Variants in SYNE2 observed in about 807,000 individuals in gnomAD.
SYNE2 encodes spectrin repeat containing nuclear envelope protein 2.
Under a neutral mutation model 856.3 loss-of-function variants are expected in SYNE2, and 431 were observed. The observed-to-expected ratio is 0.50, with a 90% CI of 0.47 to 0.55. The LOEUF (loss-of-function observed/expected upper bound fraction) is 0.55. Among genes scored for constraint, SYNE2 ranks in the 20% least tolerant of loss-of-function variants. The pLI is 0.00. For missense variants in SYNE2, 8,129 were observed against 8,023.2 expected (o/e 1.01, Z -0.50); for synonymous variants, 2,923 against 2,872.3 (o/e 1.02, Z -0.56).
chr14:63,997,109 G>A lies in SYNE2; in HGVS notation c.3103G>A (p.Glu1035Lys), dbSNP rs770698687. The A allele has an allele frequency of 5.0e-6, 8 of 1,614,066 alleles. No individual in the cohort carries two copies. The highest frequency in any genetic ancestry group is 6.8e-6 in the Non-Finnish European group (8 of 1,179,994). Residue 1035 changes from glutamate to lysine, a missense_variant, in exon 24 of 116, where the codon GAG becomes AAG. Physicochemically the swap from Glu to Lys is moderately conservative, Grantham distance 56. This residue lies in a region of SYNE2 where 2,422 missense variants were observed against 2,357.4 expected (regional missense o/e 1.03). Transcript: ENST00000555002. ...KIERLLKCASEIHMTLQPTAG... is the reference protein window; with the variant it reads ...KIERLLKCASKIHMTLQPTAG... ...AGAAAGACTTCTGAAATGTGCTTCC[G>A]AGATTCATATGACACTGCAGCCCAC... is the stretch of plus-strand genomic sequence containing the variant.
intron 1 of SYNE2, among the ~76,000 whole-genome samples, chr14:63,892,271 A>T (rs2095150433): frequency 6.6e-6 from 1 of 152,074 alleles, no homozygotes; most frequent in African/African-American, 2.4e-5. Flanking sequence ...AGCATTTCTT[A>T]TCTTCTCAGA....
chr14:64,220,831 C>A (rs913627250), intron 111 of SYNE2, among the ~76,000 whole-genome samples, 194 bp downstream of exon 111: 1 of 152,288 alleles, frequency 6.6e-6, no homozygotes. Context: ...TCCCAGGTCT[C>A]GTCTCTGTTG....
intron 84 of SYNE2, among the ~76,000 whole-genome samples, chr14:64,150,321 A>AAAAAAAG (rs766798501): frequency 0.052 from 6,197 of 118,812 alleles, 558 homozygotes; most frequent in Non-Finnish European, 0.064. Context: ...AAAAAAAAAA[A>AAAAAAAG]GGATCCTCCC....
At chr14:64,155,196 CAG>C (rs1283826840) in intron 85 of SYNE2, among the ~76,000 whole-genome samples, 1 of 152,138 alleles carries the variant, frequency 6.6e-6, no homozygotes, top group African/African-American at 2.4e-5. Flanking sequence ...TCATGATAGC[CAG>C]AAAGTGTAAA....
In SYNE2 at chr14:64,104,028, A is replaced by G. The variant is rs188461020; in HGVS notation, c.12492+1986A>G. Among the ~76,000 whole-genome samples the G allele has an allele frequency of 1.9e-3, 289 of 152,334 alleles. 1 individual carries two copies. Among genetic ancestry groups the G allele is most frequent in the African/African-American group, 6.7e-3 (278 of 41,574 alleles). ...ATGAGTGGAAAGAAGCTTATCGTTT[A>G]TATCCTATACTCAGCTCAGTATGGT... On this transcript the variant is annotated intron_variant, in intron 64 of 115. Transcript: ENST00000555002.
intron 1 of SYNE2, among the ~76,000 whole-genome samples, chr14:63,784,530 TTTTG>T (rs1887441435): frequency 2.0e-5 from 3 of 150,028 alleles, no homozygotes; most frequent in Non-Finnish European, 4.4e-5. Context: ...AACAAACAAT[TTTTG>T]TTTGTTTGTA....
At position 64,152,650 on chromosome 14, in the gene SYNE2, A is replaced by G; in HGVS notation, c.15726A>G (p.Pro5242=). Reference sequence around the variant, plus strand: ...TGACTTTGGAGAGTGGGGCAGTGCCATTGTTAGAAGATACAGCATCCCGAA... The same window carrying G: ...TGACTTTGGAGAGTGGGGCAGTGCCGTTGTTAGAAGATACAGCATCCCGAA... ...SYLTLESGAV[P]LLEDTASRID... Residue 5242 remains proline, a synonymous_variant, in exon 85 of 116, where the codon CCA becomes CCG. Coordinates refer to ENST00000555002, the MANE Select transcript of SYNE2 (RefSeq NM_182914.3). 2 of 1,614,156 alleles carry G rather than the reference A, an allele frequency of 1.2e-6. No individual in the cohort carries two copies. Among genetic ancestry groups the G allele is most frequent in the Non-Finnish European group, 1.7e-6 (2 of 1,180,008 alleles).
chr14:63,893,339 A>G (rs545303754), intron 1 of SYNE2, among the ~76,000 whole-genome samples: 4 of 152,326 alleles, frequency 2.6e-5, no homozygotes, highest in Non-Finnish European at 4.4e-5. Context: ...CAGTCGGATC[A>G]CTTGAGTCCG....
intron 89 of SYNE2, among the ~76,000 whole-genome samples, chr14:64,164,012 C>T (rs2098351718): frequency 1.3e-5 from 2 of 152,084 alleles, no homozygotes; most frequent in Non-Finnish European, 1.5e-5. Context: ...CTCCACCTCC[C>T]GGGTTCAAGC....
At chr14:64,173,975 G>C (rs1437541503) in intron 94 of SYNE2, 5 of 690,988 alleles carry the variant, frequency 7.2e-6, no homozygotes, top group African/African-American at 5.3e-5. Flanking sequence ...ACTGCCTGCG[G>C]AGCGGCCCTG....
At chr14:63,972,994 A>G (rs947824856) in intron 11 of SYNE2, among the ~76,000 whole-genome samples, 1 of 152,136 alleles carries the variant, frequency 6.6e-6, no homozygotes. Context: ...GTGGCTCGTG[A>G]CTGTAATCCC....
At position 64,075,913 on chromosome 14, in the gene SYNE2, C is replaced by T. The variant is rs189261139; in HGVS notation, c.10867-32C>T. On this transcript the variant is annotated intron_variant, in intron 53 of 115. Transcript: ENST00000555002. ...TAGAATTAAACTTTTCCCCCAGTCT[C>T]GTGAGTATTGCAACTCTCTTAATGC... The T allele has an allele frequency of 2.0e-3, 3,251 of 1,611,966 alleles. 5 individuals are homozygous for T. The highest frequency in any genetic ancestry group is 2.6e-3 in the Non-Finnish European group (3,103 of 1,178,700).
chr14:63,983,506 A>G (rs2096602364), intron 17 of SYNE2, among the ~76,000 whole-genome samples: 1 of 152,162 alleles, frequency 6.6e-6, no homozygotes, highest in Admixed American at 6.6e-5. Flanking sequence ...ATGTATCTTT[A>G]TATGTAGCAT....
At chr14:63,825,668 G>A (rs142768957) in intron 1 of SYNE2, among the ~76,000 whole-genome samples, 1 of 152,126 alleles carries the variant, frequency 6.6e-6, no homozygotes, top group Non-Finnish European at 1.5e-5. Context: ...GAGGTCAGGA[G>A]TTCGAAACCA....
rs191525458 is a variant in SYNE2 at position 64,037,462 on chromosome 14, C to G, written c.7221+6105C>G. 5.6e-4 allele frequency among the ~76,000 whole-genome samples: 86 copies of G among 152,290 alleles called. 3 individuals are homozygous for G. The East Asian group carries it at 0.014, about 24-fold the overall frequency. The stretch of plus-strand genomic sequence containing the variant: ...CAGGGTTGGGGGTAAGGTCACAGAT[C>G]TACAGGATCCCAAGGCAAAAGAATT... On this transcript the variant is annotated intron_variant, in intron 45 of 115. Transcript: ENST00000555002.
rs1271916268 is a variant in SYNE2, at chr14:63,804,440, A to G, written c.-305+42454A>G. On this transcript the variant is annotated intron_variant, in intron 1 of 23. Transcript: ENST00000674003. ...AGTCTTTGTCTTGAAATCGACGATG[A>G]CCTATATCCAGAATGGTATTTCCTA... 2.0e-5 allele frequency among the ~76,000 whole-genome samples: 3 copies of G among 151,772 alleles called. No homozygotes were observed. In the East Asian group the frequency reaches 5.8e-4, roughly 29 times the overall value.
Position 64,161,929 on chromosome 14 carries a change from A to T in SYNE2, c.16095-143A>T, listed in dbSNP as rs2098333183. ...TTATATAATGGTTTCTATAATGGTG[A>T]TGCCACTAATTTTAAAAACCATTTA... On this transcript the variant is annotated intron_variant, in intron 87 of 115. Transcript: ENST00000555002. The T allele has an allele frequency of 8.4e-6, 7 of 830,106 alleles. No individual in the cohort carries two copies. In the South Asian group the frequency reaches 1.1e-4, roughly 13 times the overall value. The allele number at this position is 830,106 out of a possible 1,614,324, so 51.4% of individuals were successfully genotyped here. A position where few individuals can be genotyped will look rare whatever the true frequency, so the allele number is the denominator to read the frequency against.
chr14:64,212,800 T>C lies in SYNE2; in HGVS notation c.18862-11T>C, dbSNP rs1488365727. On this transcript the variant is annotated splice_polypyrimidine_tract_variant and intron_variant, in intron 104 of 115. Coordinates refer to ENST00000555002, the MANE Select transcript of SYNE2 (RefSeq NM_182914.3). ...TTTCTTTGAAATCCTTTCTTTCTCC[T>C]CTCTCAACAGGGCTTCCAACAGGAA... is the stretch of plus-strand genomic sequence containing the variant. 5.6e-6 allele frequency: 9 copies of C among 1,613,840 alleles called. No individual in the cohort carries two copies. The highest frequency in any genetic ancestry group is 7.6e-6 in the Non-Finnish European group (9 of 1,179,816).
chr14:63,905,599 G>T (rs2095398327), intron 1 of SYNE2, among the ~76,000 whole-genome samples: 1 of 152,066 alleles, frequency 6.6e-6, no homozygotes, highest in African/African-American at 2.4e-5. Flanking sequence ...CTCTCAGCCT[G>T]GATGTTACTG....
Sources: gnomAD v4.1 joint callset for allele counts (sites outside exome capture counted in the v4.1 genomes callset) on GRCh38, gnomAD v4.1.1 for gene constraint, gnomAD v4.1.1 regional missense constraint, MANE v1.5 for transcripts, NCBI Gene and HGNC (gene_info 2026-07-23, HGNC 2026-07-21) for gene names.